SCAMP3: variants seen among roughly 807,000 people sequenced by gnomAD.
The protein encoded by SCAMP3 is secretory carrier membrane protein 3.
A neutral mutation model predicts 44.1 loss-of-function variants in SCAMP3; 30 were observed. The observed-to-expected ratio is 0.68, with a 90% CI of 0.51 to 0.92. The LOEUF is 0.92. SCAMP3 is among the 40% of genes least tolerant of loss of function. The probability of loss-of-function intolerance (pLI) is 0.00; values close to 1 mark genes in which losing one functional copy is unlikely to be tolerated. For synonymous variants in SCAMP3, 168 were observed against 171.1 expected (o/e 0.98, Z 0.14); for missense variants, 394 against 440.0 (o/e 0.90, Z 0.93).
In SCAMP3 at chr1:155,256,041, G is replaced by C. The variant is rs963915158; in HGVS notation, c.*232C>G. On this transcript the variant is annotated 3_prime_UTR_variant, in exon 9 of 9. Transcript: ENST00000302631. Reference sequence around the variant, plus strand: ...CCGAAGCAACAGCCGTGGCACAGCAGAGGGAAGCTGGGTTGGGGCGTGTGA... The same window carrying C: ...CCGAAGCAACAGCCGTGGCACAGCACAGGGAAGCTGGGTTGGGGCGTGTGA... 3.2e-5 allele frequency: 13 copies of C among 412,100 alleles called. No individual in the cohort carries two copies. The highest frequency in any genetic ancestry group is 1.3e-4 in the Admixed American group (3 of 23,440). The allele number at this position is 412,100 out of a possible 1,614,324, so 25.5% of individuals were successfully genotyped here. A position where few individuals can be genotyped will look rare whatever the true frequency, so the allele number is the denominator to read the frequency against.
intron 5 of SCAMP3, among the ~76,000 whole-genome samples, chr1:155,257,979 G>A (rs1393984076): frequency 1.3e-5 from 2 of 151,846 alleles, no homozygotes; most frequent in Non-Finnish European, 2.9e-5. Flanking sequence ...AGAGTAGCTG[G>A]GACTACAGGC....
chr1:155,261,856 G>T, intron 1 of SCAMP3, 122 bp from the exon 2 acceptor site: 1 of 959,602 alleles, frequency 1.0e-6, no homozygotes, highest in Non-Finnish European at 1.6e-6. Context: ...CGTTGTCCCA[G>T]GACTGGGACA....
chr1:155,262,168 TC>T lies in SCAMP3; in HGVS notation c.-18del. On this transcript the variant is annotated 5_prime_UTR_variant, in exon 1 of 9. Transcript: ENST00000302631. ...CTGAGCCATGTTTGCAACTGCGGCC[TC>T]CGCGGCCCTCTGCCCTCCACGCCCC... is the stretch of plus-strand genomic sequence containing the variant. The T allele has an allele frequency of 6.2e-7, 1 of 1,611,778 alleles. No homozygotes were observed.
At position 155,262,322 on chromosome 1, in the gene SCAMP3, G is replaced by C; in HGVS notation, c.-171C>G. ...CACAAGGATCCCCGCAGCAGCCGTG[G>C]GTTGCGCCTGCGTCTTGTCCAAAAG... On this transcript the variant is annotated 5_prime_UTR_variant, in exon 1 of 9. Transcript: ENST00000302631. 1.6e-6 allele frequency: 1 copy of C among 621,696 alleles called. No individual in the cohort carries two copies. Among genetic ancestry groups the C allele is most frequent in the Non-Finnish European group, 2.8e-6 (1 of 361,072 alleles). 38.5% of individuals were successfully genotyped at this position (621,696 alleles called of 1,614,324 possible).
intron 2 of SCAMP3, chr1:155,261,419 C>T: frequency 1.8e-6 from 1 of 569,534 alleles, no homozygotes; most frequent in Middle Eastern, 2.8e-4. Flanking sequence ...TGGTTAAGGC[C>T]TTGCCAGCCT....
chr1:155,258,734 T>C (rs1248965849), intron 5 of SCAMP3, 92 bp downstream of exon 5: 24 of 1,215,544 alleles, frequency 2.0e-5, no homozygotes, highest in Non-Finnish European at 2.8e-5. Context: ...GAGTTCTAAA[T>C]AGAGGTGAAG....
Position 155,262,255 on chromosome 1 carries a change from C to A in SCAMP3, c.-104G>T. ...TCCACTTCACTCGCCTCAGTTCGCC[C>A]CGCTTCTCTGTGCACGGATTGGTTC... On this transcript the variant is annotated 5_prime_UTR_variant, in exon 1 of 9. Transcript: ENST00000302631. The A allele has an allele frequency of 4.7e-6, 5 of 1,052,926 alleles. No individual in the cohort carries two copies. Among genetic ancestry groups the A allele is most frequent in the Non-Finnish European group, 6.9e-6 (5 of 719,484 alleles). The allele number at this position is 1,052,926 out of a possible 1,614,324, so 65.2% of individuals were successfully genotyped here.
At chr1:155,260,054 C>T (rs931596686) in intron 4 of SCAMP3, among the ~76,000 whole-genome samples, 1 of 151,558 alleles carries the variant, frequency 6.6e-6, no homozygotes, top group Admixed American at 6.6e-5. Context: ...CGGGTTCAAG[C>T]GATTCTCCTG....
chr1:155,256,893 C>G (rs1672815763), intron 7 of SCAMP3, 102 bp from the exon 8 acceptor site: 1 of 819,912 alleles, frequency 1.2e-6, no homozygotes. Flanking sequence ...AGCAGTGGCT[C>G]CCTGTCAATC....
chr1:155,257,228 A>C (rs1572002409), intron 7 of SCAMP3, 57 bp downstream of exon 7: 1 of 1,165,474 alleles, frequency 8.6e-7, no homozygotes, highest in East Asian at 2.3e-5. Flanking sequence ...CTATCCCAGC[A>C]CCCAGTGCTG....
Position 155,262,328 on chromosome 1 carries a change from G to A in SCAMP3, c.-177C>T, listed in dbSNP as rs1053238976. The stretch of plus-strand genomic sequence containing the variant: ...GATCCCCGCAGCAGCCGTGGGTTGC[G>A]CCTGCGTCTTGTCCAAAAGCTAAGA... On this transcript the variant is annotated 5_prime_UTR_variant, in exon 1 of 9. Transcript: ENST00000302631. 3.3e-6 allele frequency: 2 copies of A among 608,598 alleles called. No individual in the cohort carries two copies. The highest frequency in any genetic ancestry group is 3.1e-5 in the Admixed American group (1 of 32,042). 37.7% of individuals were successfully genotyped at this position (608,598 alleles called of 1,614,324 possible). A position where few individuals can be genotyped will look rare whatever the true frequency, so the allele number is the denominator to read the frequency against.
Position 155,257,320 on chromosome 1 carries a change from G to A in SCAMP3, c.744C>T (p.Val248=). 2 of 1,613,944 alleles carry A rather than the reference G, an allele frequency of 1.2e-6. No individual in the cohort carries two copies. Among genetic ancestry groups the A allele is most frequent in the African/African-American group, 1.3e-5 (1 of 75,030 alleles). ...FIFFVQDVLF[V]LQAIGIPGWG... Reference sequence around the variant, plus strand: ...AACCTGGGATACCAATGGCCTGGAGGACAAAGAGCACATCCTGGACGAAGA... The same window carrying A: ...AACCTGGGATACCAATGGCCTGGAGAACAAAGAGCACATCCTGGACGAAGA... The change falls in exon 7 of 9, where the codon GTC becomes GTT. Residue 248 remains valine, a synonymous_variant. Transcript: ENST00000302631.
At chr1:155,259,570 G>A (rs183543939) in intron 4 of SCAMP3, among the ~76,000 whole-genome samples, 8 of 152,050 alleles carry the variant, frequency 5.3e-5, no homozygotes, top group South Asian at 2.1e-4. Flanking sequence ...TCACTATGTT[G>A]TCCAGGTTGG....
Position 155,260,379 on chromosome 1 carries a change from C to T in SCAMP3, c.339G>A (p.Leu113=). The part of the protein sequence containing the change: ...QEELNRKAEE[L]DRRERELQHA... ...GCTGCAGCTCTCGCTCCCTTCGGTC[C>T]AACTCCTCTGCCTTCCGGTTGAGCT... Residue 113 remains leucine (L), a synonymous_variant, in exon 4 of 9, where the codon TTG becomes TTA. Transcript: ENST00000302631. 1 of 1,613,830 alleles carries T rather than the reference C, an allele frequency of 6.2e-7. No homozygotes were observed. The highest frequency in any genetic ancestry group is 8.5e-7 in the Non-Finnish European group (1 of 1,180,024).
At position 155,256,119 on chromosome 1, in the gene SCAMP3, A is replaced by T; in HGVS notation, c.*154T>A. 1.4e-6 allele frequency: 1 copy of T among 698,582 alleles called. No homozygotes were observed. The highest frequency in any genetic ancestry group is 2.3e-6 in the Non-Finnish European group (1 of 441,400). The allele number at this position is 698,582 out of a possible 1,614,324, so 43.3% of individuals were successfully genotyped here. On this transcript the variant is annotated 3_prime_UTR_variant, in exon 9 of 9. Transcript: ENST00000302631. ...GGGACTAGGTCACAGTGAACTCCCC[A>T]CACGCCTGTCAGGTTCAGCAGTCAT...
Position 155,260,338 on chromosome 1 carries a change from C to T in SCAMP3, c.380G>A (p.Gly127Asp), listed in dbSNP as rs754776891. 2.5e-6 allele frequency: 4 copies of T among 1,611,498 alleles called. No homozygotes were observed. Among genetic ancestry groups the T allele is most frequent in the Admixed American group, 3.3e-5 (2 of 59,998 alleles). The change falls in exon 4 of 9, where the codon GGC becomes GAC. Residue 127 changes from glycine to aspartate, a missense_variant. Gly to Asp is a moderately conservative substitution (Grantham distance 94, BLOSUM62 -1). Coordinates refer to ENST00000302631, the MANE Select transcript of SCAMP3 (RefSeq NM_005698.4). ...ERELQHAALG[G>D]TATRQNNWPP... ...CCCACTCTATTACTTACTAGCTGTG[C>T]CCCCCAGGGCAGCATGCTGCAGCTC...
intron 4 of SCAMP3, among the ~76,000 whole-genome samples, chr1:155,259,964 T>C (rs1672917754): frequency 6.6e-6 from 1 of 151,708 alleles, no homozygotes; most frequent in African/African-American, 2.4e-5. Flanking sequence ...TGTTTTTTTT[T>C]TTTTTTGAGA....
chr1:155,261,427 C>A (rs1296493459), intron 2 of SCAMP3: 3 of 574,382 alleles, frequency 5.2e-6, no homozygotes, highest in Non-Finnish European at 9.4e-6. Context: ...GCCTTGCCAG[C>A]CTCCAGATCT....
Position 155,258,318 on chromosome 1 carries a change from CTTTTTTTTTTTTTTTTTTTTTT to C in SCAMP3, c.517+486_517+507del, listed in dbSNP as rs71996352. 3.2e-3 allele frequency among the ~76,000 whole-genome samples: 278 copies of C among 86,604 alleles called. 3 individuals carry two copies. Among genetic ancestry groups the C allele is most frequent in the African/African-American group, 9.4e-3 (260 of 27,740 alleles). 56.8% of individuals were successfully genotyped at this position (86,604 alleles called of 152,430 possible). A position where few individuals can be genotyped will look rare whatever the true frequency, so the allele number is the denominator to read the frequency against. ...ACAGGTGTGAGCCACCGTGCCCGGC[CTTTTTTTTTTTTTTTTTTTTTT>C]TTTTTTTTTTTTTGAGATGGAGTTT... is the stretch of plus-strand genomic sequence containing the variant. On this transcript the variant is annotated intron_variant, in intron 5 of 8. Transcript: ENST00000302631.
Sources: gnomAD v4.1 joint callset for allele counts (sites outside exome capture counted in the v4.1 genomes callset) on GRCh38, gnomAD v4.1.1 for gene constraint, MANE v1.5 for transcripts, NCBI Gene and HGNC (gene_info 2026-07-23, HGNC 2026-07-21) for gene names.